The following NAV3 variants were observed in gnomAD, a reference collection of about 807,000 sequenced individuals.
The protein encoded by NAV3 is neuron navigator 3.
A neutral mutation model predicts 244.7 loss-of-function variants in NAV3; 87 were observed. The observed-to-expected ratio is 0.36, with a 90% CI of 0.30 to 0.42. The LOEUF (loss-of-function observed/expected upper bound fraction) is 0.42, where lower values mean the gene tolerates loss of function less well. Ranked by LOEUF, NAV3 falls within the 20% of genes least tolerant of loss-of-function variation. The pLI is 1.00. For synonymous variants in NAV3, 1,126 were observed against 1,042.2 expected, an observed-to-expected ratio of 1.08 and a Z score of -1.55; for missense variants, 2,663 against 2,893.3, an observed-to-expected ratio of 0.92 and a Z score of 1.83.
At chr12:78,143,659 G>C (rs1956731353) in intron 20 of NAV3, among the ~76,000 whole-genome samples, 1 of 151,066 alleles carries the variant, frequency 6.6e-6, no homozygotes, top group African/African-American at 2.4e-5. Context: ...AAGAGGGAGA[G>C]GGGAGGGAGA....
intron 2 of NAV3, among the ~76,000 whole-genome samples, chr12:77,664,162 A>G (rs933865981): frequency 6.6e-6 from 1 of 152,238 alleles, no homozygotes; most frequent in African/African-American, 2.4e-5. Flanking sequence ...AAATACTTAC[A>G]TGAAATAGCT....
At chr12:78,208,664 C>A (rs1293788442) in intron 39 of NAV3, among the ~76,000 whole-genome samples, 1 of 152,002 alleles carries the variant, frequency 6.6e-6, no homozygotes, top group Non-Finnish European at 1.5e-5. Context: ...TATATGACAC[C>A]ATTTTAAAAA....
chr12:77,585,890 C>T (rs896139700), intron 2 of NAV3, among the ~76,000 whole-genome samples: 7 of 152,152 alleles, frequency 4.6e-5, no homozygotes, highest in Non-Finnish European at 7.4e-5. Context: ...TAGCTGGGCG[C>T]GGTGGCACAT....
chr12:77,876,046 T>A (rs1881801732), intron 1 of NAV3, among the ~76,000 whole-genome samples: 1 of 152,072 alleles, frequency 6.6e-6, no homozygotes, highest in South Asian at 2.1e-4. Flanking sequence ...AAATAATTAA[T>A]GTAAATATGA....
chr12:77,634,694 G>A (rs772520736), intron 2 of NAV3, among the ~76,000 whole-genome samples: 4 of 151,900 alleles, frequency 2.6e-5, no homozygotes, highest in Non-Finnish European at 5.9e-5. Context: ...TATTAATGAT[G>A]GGAGTTCTAT....
upstream of NAV3, among the ~76,000 whole-genome samples, chr12:77,829,407 C>G (rs1169481451): frequency 6.6e-6 from 1 of 152,194 alleles, no homozygotes; most frequent in Non-Finnish European, 1.5e-5. Context: ...TTTGAGTGAA[C>G]TTCCTAGAAT....
At chr12:77,966,391 C>T (rs965849284) in intron 4 of NAV3, 90 bp downstream of exon 4, 11 of 1,068,382 alleles carry the variant, frequency 1.0e-5, no homozygotes, top group African/African-American at 3.2e-5. Context: ...TTGGAGTATA[C>T]GTCTCCTTAA....
intron 2 of NAV3, among the ~76,000 whole-genome samples, chr12:77,589,084 G>T (rs751145505): frequency 3.5e-4 from 53 of 152,218 alleles, no homozygotes; most frequent in Non-Finnish European, 6.6e-4. Context: ...TACAGATAAA[G>T]GATCTAGGTA....
intron 12 of NAV3, among the ~76,000 whole-genome samples, chr12:78,096,553 T>G (rs1954260923): frequency 6.6e-6 from 1 of 152,162 alleles, no homozygotes. Flanking sequence ...GGCGAAAGAC[T>G]AATAAGGAGC....
chr12:77,679,079 T>G (rs1291876251), intron 2 of NAV3, among the ~76,000 whole-genome samples: 1 of 152,218 alleles, frequency 6.6e-6, no homozygotes, highest in Admixed American at 6.5e-5. Flanking sequence ...TTAGGCATAG[T>G]CTACATTAGT....
intron 12 of NAV3, among the ~76,000 whole-genome samples, chr12:78,061,692 A>G (rs191670287): frequency 6.6e-6 from 1 of 152,194 alleles, no homozygotes. Context: ...TGACTCTTTC[A>G]GTTAATTTAA....
chr12:77,721,215 A>C (rs191112792), intron 2 of NAV3, among the ~76,000 whole-genome samples: 9 of 152,230 alleles, frequency 5.9e-5, no homozygotes, highest in African/African-American at 2.2e-4. Context: ...GACCTTTGTA[A>C]GTGCATTGTA....
chr12:78,109,222 A>C (rs1954961641), intron 12 of NAV3, among the ~76,000 whole-genome samples: 1 of 152,048 alleles, frequency 6.6e-6, no homozygotes, highest in African/African-American at 2.4e-5. Context: ...AATTCCTAGA[A>C]ACTTACAACC....
intron 9 of NAV3, among the ~76,000 whole-genome samples, chr12:78,047,782 G>A (rs1882080009): frequency 1.3e-5 from 2 of 152,126 alleles, no homozygotes; most frequent in South Asian, 4.1e-4. Flanking sequence ...AGTTCTCCTG[G>A]ATAATATCCT....
At chr12:78,168,608 G>T in intron 23 of NAV3, 147 bp from the exon 24 acceptor site, 1 of 559,046 alleles carries the variant, frequency 1.8e-6, no homozygotes, top group East Asian at 3.0e-5. Flanking sequence ...GAAGTTATTA[G>T]GTACAGCTTG....
intron 2 of NAV3, among the ~76,000 whole-genome samples, chr12:77,614,074 C>CTTTT (rs71440485): frequency 3.1e-5 from 3 of 95,650 alleles, no homozygotes; most frequent in Non-Finnish European, 3.9e-5. Flanking sequence ...TTCTTTCTCT[C>CTTTT]TTTTTTTTTT....
chr12:77,654,899 C>T, intron 2 of NAV3, among the ~76,000 whole-genome samples: 1 of 146,162 alleles, frequency 6.8e-6, no homozygotes. Context: ...GCTGAGGGTC[C>T]TGTCTGTTAG....
rs17044693 is a variant in NAV3, at chr12:77,997,526, A to G, written c.741-811A>G. 7.9e-3 allele frequency among the ~76,000 whole-genome samples: 1,197 copies of G among 152,272 alleles called. 17 individuals carry two copies. The highest frequency in any genetic ancestry group is 0.027 in the African/African-American group (1,120 of 41,548). On this transcript the variant is annotated intron_variant, in intron 6 of 39. Transcript: ENST00000397909. ...TCTAATTATAAGATAGTCTGTTCAT[A>G]TTTCCTCATATCCTGTCCTTCATAC... is the stretch of plus-strand genomic sequence containing the variant.
chr12:77,600,975 ACAAATTATCAGCTATCTCTACTGATCACT>A (rs2136768436), intron 2 of NAV3, among the ~76,000 whole-genome samples: 1 of 152,126 alleles, frequency 6.6e-6, no homozygotes, highest in African/African-American at 2.4e-5. Context: ...GAAAGAAGAT[ACAAATTATCAGCTATCTCTACTGATCACT>A]CAAATCTTCC....
Sources: allele counts gnomAD v4.1 joint callset (sites outside exome capture counted in the v4.1 genomes callset), GRCh38; gene constraint gnomAD v4.1.1; transcripts MANE v1.5; gene names NCBI Gene and HGNC (gene_info 2026-07-23, HGNC 2026-07-21).